C2CD5: variants seen among roughly 807,000 people sequenced by gnomAD.
C2CD5 encodes the protein C2 calcium dependent domain containing 5, also known as C2 domain-containing protein 5.
Under a neutral mutation model 130.3 loss-of-function variants are expected in C2CD5, and 109 were observed. The observed-to-expected ratio is 0.84, with a 90% CI of 0.72 to 0.98. The LOEUF (loss-of-function observed/expected upper bound fraction) is 0.98, where lower values mean the gene tolerates loss of function less well. Among genes scored for constraint, C2CD5 ranks in the 50% least tolerant of loss-of-function variants. C2CD5 has a pLI of 0.00. For missense variants in C2CD5, 996 were observed against 1,261.8 expected (o/e 0.79, Z 3.19); for synonymous variants, 454 against 429.2 (o/e 1.06, Z -0.71).
chr12:22,507,456 A>C (rs1948691468), intron 9 of C2CD5, among the ~76,000 whole-genome samples: 1 of 152,256 alleles, frequency 6.6e-6, no homozygotes, highest in Non-Finnish European at 1.5e-5. Context: ...AAAGGTACAT[A>C]GATAACAGCT....
chr12:22,483,485 T>C (rs1312560839), intron 13 of C2CD5, among the ~76,000 whole-genome samples: 2 of 152,138 alleles, frequency 1.3e-5, no homozygotes, highest in Non-Finnish European at 2.9e-5. Context: ...AGTACTTCAA[T>C]GTGCTGTAAA....
At position 22,541,690 on chromosome 12, in the gene C2CD5, A is replaced by G. The variant is rs144360073; in HGVS notation, c.90+2371T>C. Among the ~76,000 whole-genome samples, 318 of 152,154 alleles carry G rather than the reference A, an allele frequency of 2.1e-3. 5 individuals carry two copies. The highest frequency in any genetic ancestry group is 7.3e-3 in the African/African-American group (301 of 41,504). ...CCAGCAGATCTTGGTTTTGACAAAC[A>G]CTTTTCTCAGGGGCCTCCCCTGATT... is the stretch of plus-strand genomic sequence containing the variant. On this transcript the variant is annotated intron_variant, in intron 2 of 26. Transcript: ENST00000446597.
chr12:22,543,952 G>A (rs1318408201), intron 2 of C2CD5, 109 bp downstream of exon 2: 1 of 805,560 alleles, frequency 1.2e-6, no homozygotes, highest in Admixed American at 2.1e-5. Context: ...CACGGCCGAA[G>A]GGAGGGCAGT....
intron 3 of C2CD5, among the ~76,000 whole-genome samples, chr12:22,530,117 C>T (rs1168424886): frequency 0.014 from 1,494 of 106,788 alleles, 10 homozygotes; most frequent in East Asian, 0.024. Context: ...TATATACACA[C>T]ACACACACAC....
At chr12:22,480,993 T>G (rs1944627534) in intron 14 of C2CD5, among the ~76,000 whole-genome samples, 1 of 151,974 alleles carries the variant, frequency 6.6e-6, no homozygotes, top group Non-Finnish European at 1.5e-5. Context: ...TTAGTAGAGA[T>G]GGGGTTTCGC....
intron 22 of C2CD5, among the ~76,000 whole-genome samples, chr12:22,462,611 A>C (rs1028100073): frequency 3.9e-5 from 6 of 152,120 alleles, no homozygotes; most frequent in African/African-American, 1.4e-4. Flanking sequence ...TAACGACAAA[A>C]AGGATTCTTC....
intron 22 of C2CD5, among the ~76,000 whole-genome samples, chr12:22,468,578 G>T (rs1942487259): frequency 6.6e-6 from 1 of 152,110 alleles, no homozygotes; most frequent in African/African-American, 2.4e-5. Context: ...TCATAAATCT[G>T]AACTCACATT....
intron 10 of C2CD5, among the ~76,000 whole-genome samples, chr12:22,500,527 TTCTTC>T (rs1288248077): frequency 6.6e-6 from 1 of 152,162 alleles, no homozygotes; most frequent in African/African-American, 2.4e-5. Context: ...TAATCAAGCC[TTCTTC>T]TTTAACTCTT....
At chr12:22,487,627 T>C (rs1006575596) in intron 12 of C2CD5, among the ~76,000 whole-genome samples, 4 of 152,022 alleles carry the variant, frequency 2.6e-5, no homozygotes, top group Admixed American at 2.0e-4. Flanking sequence ...GTTCAACCAT[T>C]GTGGAAGTCA....
intron 19 of C2CD5, 140 bp downstream of exon 19, chr12:22,471,827 C>A: frequency 1.7e-6 from 1 of 584,374 alleles, no homozygotes; most frequent in African/African-American, 1.9e-5. Flanking sequence ...GTATCTCACC[C>A]GCTGATAGAG....
Position 22,456,466 on chromosome 12 carries a change from G to A in C2CD5, c.2877+505C>T, listed in dbSNP as rs368615591. Among the ~76,000 whole-genome samples the A allele has an allele frequency of 8.5e-5, 13 of 152,244 alleles. No individual in the cohort carries two copies. The East Asian group carries it at 1.7e-3, about 20-fold the overall frequency. On this transcript the variant is annotated intron_variant, in intron 25 of 26. Coordinates refer to ENST00000446597, the MANE Select transcript of C2CD5 (RefSeq NM_001286176.2). ...CTTGTTATTTAAAAACCAAATTAAA[G>A]TTTAATGATACTCAGTGTGAGGTAA...
At position 22,490,127 on chromosome 12, in the gene C2CD5, G is replaced by A; in HGVS notation, c.1354C>T (p.Gln452Ter). The change falls in exon 12 of 27, where the codon CAG becomes TAG. Residue 452 changes from glutamine to a stop codon, truncating the protein, a stop_gained. Transcript: ENST00000446597. LOFTEE classifies it high-confidence loss of function. ...AAGCCAGGCTGCCATGACAACCTCT[G>A]TTCCAAACAGCCTTCCACGGTGCCA... is the stretch of plus-strand genomic sequence containing the variant. ...QDGTVEGCLE[Q>*]RLEENLPTRC... 1 of 1,611,642 alleles carries A rather than the reference G, an allele frequency of 6.2e-7. No individual in the cohort carries two copies. Among genetic ancestry groups the A allele is most frequent in the Non-Finnish European group, 8.5e-7 (1 of 1,177,896 alleles).
Position 22,478,011 on chromosome 12 carries a change from T to TCA in C2CD5, c.1902+300_1902+301dup, listed in dbSNP as rs543658384. 1,934 of 278,568 alleles carry TCA rather than the reference T, an allele frequency of 6.9e-3. 6 individuals carry two copies. Among genetic ancestry groups the TCA allele is most frequent in the African/African-American group, 0.014 (618 of 43,808 alleles). The allele number at this position is 278,568 out of a possible 1,614,324, so 17.3% of individuals were successfully genotyped here. A position where few individuals can be genotyped will look rare whatever the true frequency, so the allele number is the denominator to read the frequency against. On this transcript the variant is annotated intron_variant, in intron 15 of 26. Transcript: ENST00000446597. ...CAAAAGACCAACAAAACACACACAC[T>TCA]CACACACACACACACACTCACACAC... is the stretch of plus-strand genomic sequence containing the variant.
At chr12:22,483,105 GATT>G (rs1944961980) in intron 13 of C2CD5, among the ~76,000 whole-genome samples, 1 of 152,012 alleles carries the variant, frequency 6.6e-6, no homozygotes, top group East Asian at 1.9e-4. Flanking sequence ...TCCATGATGT[GATT>G]ATTATGTATT....
In C2CD5 at chr12:22,525,594, G is replaced by C. The variant is rs1257645689; in HGVS notation, c.445+16C>G. 2 of 1,126,226 alleles carry C rather than the reference G, an allele frequency of 1.8e-6. No individual in the cohort carries two copies. Among genetic ancestry groups the C allele is most frequent in the African/African-American group, 1.5e-5 (1 of 65,382 alleles). 69.8% of individuals were successfully genotyped at this position (1,126,226 alleles called of 1,614,324 possible). Reference sequence around the variant, plus strand: ...TTATTACATTTCCTGTTGAGTAATAGAATGTATTTACTTACTGCAAAAGAA... The same window carrying C: ...TTATTACATTTCCTGTTGAGTAATACAATGTATTTACTTACTGCAAAAGAA... On this transcript the variant is annotated intron_variant, in intron 5 of 26. Coordinates refer to ENST00000446597, the MANE Select transcript of C2CD5 (RefSeq NM_001286176.2).
intron 9 of C2CD5, 197 bp from the exon 10 acceptor site, chr12:22,507,016 G>A (rs1397600887): frequency 9.2e-6 from 4 of 434,658 alleles, no homozygotes; most frequent in Non-Finnish European, 1.7e-5. Context: ...TATATACAAT[G>A]TTATACAGAA....
intron 2 of C2CD5, among the ~76,000 whole-genome samples, chr12:22,539,992 C>CAAAAA (rs59902224): frequency 1.1e-5 from 1 of 90,786 alleles, no homozygotes. Flanking sequence ...AGCTCCGTCT[C>CAAAAA]AAAAAAAAAA....
Position 22,449,780 on chromosome 12 carries a change from C to A in C2CD5, c.3136G>T (p.Glu1046Ter). 1 of 1,598,074 alleles carries A rather than the reference C, an allele frequency of 6.3e-7. No homozygotes were observed. Among genetic ancestry groups the A allele is most frequent in the African/African-American group, 1.3e-5 (1 of 74,872 alleles). ...TTTCCTCAGGTTGTAACTTCGCCTT[C>A]AGTACATGATGACTGGCAGTTGGTA... ...PTTNCQSSCT[E>*]GEVTT The change falls in exon 27 of 27, where the codon GAA (glutamate) becomes TAA (stop). Residue 1046 changes from glutamate (E) to a stop codon, truncating the protein, a stop_gained. Coordinates refer to ENST00000446597, the MANE Select transcript of C2CD5 (RefSeq NM_001286176.2). LOFTEE classifies it high-confidence loss of function.
At chr12:22,526,264 TTGA>T (rs1427526832) in intron 4 of C2CD5, among the ~76,000 whole-genome samples, 3 of 152,286 alleles carry the variant, frequency 2.0e-5, no homozygotes, top group Admixed American at 6.5e-5. Context: ...CCCATTTGAA[TTGA>T]TGATGATGAT....
Sources: allele counts gnomAD v4.1 joint callset (sites outside exome capture counted in the v4.1 genomes callset), GRCh38; gene constraint gnomAD v4.1.1; transcripts MANE v1.5; gene names NCBI Gene and HGNC (gene_info 2026-07-23, HGNC 2026-07-21).